The following PCYOX1L variants were observed in gnomAD, a reference collection of about 807,000 sequenced individuals.
PCYOX1L encodes the protein prenylcysteine oxidase 1-like.
Under a neutral mutation model 44.1 loss-of-function variants are expected in PCYOX1L, and 40 were observed. The ratio of observed to expected loss-of-function variants is 0.91; its 90% CI spans 0.70 to 1.18. PCYOX1L has a LOEUF of 1.18. Among genes scored for constraint, PCYOX1L ranks in the 50% most tolerant of loss-of-function variants. The pLI, the probability that PCYOX1L is intolerant of heterozygous loss-of-function variation, is 0.00. For synonymous variants in PCYOX1L, 266 were observed against 282.8 expected (o/e 0.94, Z 0.60); for missense variants, 605 against 653.3 (o/e 0.93, Z 0.81).
intron 1 of PCYOX1L, among the ~76,000 whole-genome samples, chr5:149,359,572 A>G (rs1366743656): frequency 2.6e-5 from 4 of 152,112 alleles, no homozygotes; most frequent in South Asian, 4.2e-4. Flanking sequence ...CTGTGGGAAT[A>G]TGCAGGGCAC....
At chr5:149,364,442 A>G (rs1758131409) in intron 3 of PCYOX1L, 2 of 453,876 alleles carry the variant, frequency 4.4e-6, no homozygotes, top group Non-Finnish European at 7.9e-6. Flanking sequence ...CCTCTACTAC[A>G]CTGATACTAA....
chr5:149,367,334 C>T (rs554970200), intron 4 of PCYOX1L, 26 bp from the exon 5 acceptor site: 1 of 1,599,260 alleles, frequency 6.3e-7, no homozygotes, highest in South Asian at 1.1e-5. Context: ...GACAACCTAT[C>T]AGCACCCACT....
chr5:149,368,711 A>G lies in PCYOX1L; in HGVS notation c.*57A>G. 1.4e-6 allele frequency: 2 copies of G among 1,472,888 alleles called. No individual in the cohort carries two copies. Among genetic ancestry groups the G allele is most frequent in the East Asian group, 2.3e-5 (1 of 43,722 alleles). The allele number at this position is 1,472,888 out of a possible 1,614,324, so 91.2% of individuals were successfully genotyped here. On this transcript the variant is annotated 3_prime_UTR_variant, in exon 6 of 6. Transcript: ENST00000274569. ...CCCCACTGAAGATGGATCATCCCACAGCAGCCCAGGACTGAATAAGCCATG... is the reference window on the plus strand; with the variant it reads ...CCCCACTGAAGATGGATCATCCCACGGCAGCCCAGGACTGAATAAGCCATG...
intron 3 of PCYOX1L, 175 bp downstream of exon 3, chr5:149,364,385 C>T: frequency 1.5e-6 from 1 of 671,858 alleles, no homozygotes; most frequent in Non-Finnish European, 2.5e-6. Context: ...GTATTTGGTC[C>T]AGTAATGGTC....
chr5:149,367,314 C>T, intron 4 of PCYOX1L, 46 bp from the exon 5 acceptor site: 1 of 1,578,600 alleles, frequency 6.3e-7, no homozygotes. Flanking sequence ...CCCTCCTGCC[C>T]CACGGCCCTG....
chr5:149,367,880 C>A (rs1409763770), intron 5 of PCYOX1L, 113 bp from the exon 6 acceptor site: 1 of 1,174,064 alleles, frequency 8.5e-7, no homozygotes, highest in East Asian at 2.4e-5. Flanking sequence ...TTTAGACAGC[C>A]CTGCTGCACC....
intron 2 of PCYOX1L, chr5:149,363,540 A>G (rs1355422131): frequency 4.6e-6 from 1 of 219,640 alleles, no homozygotes; most frequent in Non-Finnish European, 9.2e-6. Flanking sequence ...TTATGCCCAG[A>G]TACAGGGCAA....
intron 3 of PCYOX1L, 99 bp from the exon 4 acceptor site, chr5:149,365,843 A>G (rs1489863480): frequency 9.3e-6 from 10 of 1,075,054 alleles, no homozygotes; most frequent in Non-Finnish European, 1.3e-5. Flanking sequence ...AGAGGAAGTG[A>G]TGGGTTCCTG....
At chr5:149,367,321 C>A in intron 4 of PCYOX1L, 39 bp from the exon 5 acceptor site, 1 of 1,588,378 alleles carries the variant, frequency 6.3e-7, no homozygotes, top group Admixed American at 1.8e-5. Flanking sequence ...GCCCCACGGC[C>A]CTGACAACCT....
Position 149,359,019 on chromosome 5 carries a change from C to T in PCYOX1L, c.88+863C>T, listed in dbSNP as rs575518056. On this transcript the variant is annotated intron_variant, in intron 1 of 5. Transcript: ENST00000274569. ...CAGGACACCTCACTAAATACGTCAT[C>T]GTGCATATCATTGACTAGAGTGTCA... Among the ~76,000 whole-genome samples, 42 of 152,274 alleles carry T rather than the reference C, an allele frequency of 2.8e-4. 1 individual carries two copies. The Middle Eastern group carries it at 0.017, about 62-fold the overall frequency.
chr5:149,364,784 A>G (rs902430622), intron 3 of PCYOX1L: 8 of 152,596 alleles, frequency 5.2e-5, no homozygotes, highest in Admixed American at 1.3e-4. Context: ...TGTTGTCCTC[A>G]TTTTTCCATC....
intron 1 of PCYOX1L, 42 bp from the exon 2 acceptor site, chr5:149,362,595 G>A (rs375206822): frequency 6.2e-7 from 1 of 1,607,092 alleles, no homozygotes; most frequent in African/African-American, 1.3e-5. Flanking sequence ...TCACTCTCAT[G>A]TTCTGTCTCT....
intron 1 of PCYOX1L, among the ~76,000 whole-genome samples, chr5:149,361,582 G>A (rs1336684029): frequency 1.3e-5 from 2 of 152,226 alleles, no homozygotes; most frequent in Non-Finnish European, 2.9e-5. Context: ...TTTCAAACTG[G>A]AATATAGTGT....
intron 1 of PCYOX1L, among the ~76,000 whole-genome samples, chr5:149,360,306 G>T (rs1332146339): frequency 6.6e-6 from 1 of 152,176 alleles, no homozygotes; most frequent in Non-Finnish European, 1.5e-5. Flanking sequence ...CAATGAAGTG[G>T]TGTCTTCTGC....
At chr5:149,358,289 G>A in intron 1 of PCYOX1L, 133 bp downstream of exon 1, 1 of 1,240,802 alleles carries the variant, frequency 8.1e-7, no homozygotes, top group Middle Eastern at 3.1e-4. Context: ...CTGGGTGGAG[G>A]AGAGGCGCCG....
rs1357622063 is a variant in PCYOX1L, at chr5:149,363,528, CTT to C, written c.296-506_296-505del. On this transcript the variant is annotated intron_variant, in intron 2 of 5. Coordinates refer to ENST00000274569, the MANE Select transcript of PCYOX1L (RefSeq NM_024028.4). ...TGTTCAGCAGTCAGAATGGGGAAGT[CTT>C]TATGCCCAGATACAGGGCAATCTCC... is the stretch of plus-strand genomic sequence containing the variant. 3 of 214,544 alleles carry C rather than the reference CTT, an allele frequency of 1.4e-5. No homozygotes were observed. The East Asian group carries it at 3.3e-4, about 23-fold the overall frequency. 13.3% of individuals were successfully genotyped at this position (214,544 alleles called of 1,614,324 possible). A position where few individuals can be genotyped will look rare whatever the true frequency, so the allele number is the denominator to read the frequency against.
chr5:149,364,549 T>C (rs1335007857), intron 3 of PCYOX1L: 1 of 209,712 alleles, frequency 4.8e-6, no homozygotes, highest in East Asian at 1.1e-4. Context: ...CAAGGCCCCC[T>C]CTGAAGGAGG....
Position 149,368,624 on chromosome 5 carries a change from T to G in PCYOX1L, c.1455T>G (p.Asp485Glu). The change falls in exon 6 of 6, where the codon GAT (aspartate) becomes GAG (glutamate). Residue 485 changes from aspartate (D) to glutamate (E), a missense_variant. Asp to Glu is a conservative substitution (Grantham distance 45, BLOSUM62 2). Transcript: ENST00000274569. ...ACCTAGACAAGATTGATCAAAAAGATTTGATGCACAAGGTCAAGACTGAAC... is the reference window on the plus strand; with the variant it reads ...ACCTAGACAAGATTGATCAAAAAGAGTTGATGCACAAGGTCAAGACTGAAC... ...YQDLDKIDQK[D>E]LMHKVKTEL 1 of 1,525,994 alleles carries G rather than the reference T, an allele frequency of 6.6e-7. No individual in the cohort carries two copies. Among genetic ancestry groups the G allele is most frequent in the Non-Finnish European group, 8.7e-7 (1 of 1,143,128 alleles). The allele number at this position is 1,525,994 out of a possible 1,614,324, so 94.5% of individuals were successfully genotyped here.
Position 149,368,816 on chromosome 5 carries a change from C to T in PCYOX1L, c.*162C>T. 1.8e-6 allele frequency: 1 copy of T among 545,342 alleles called. No individual in the cohort carries two copies. The highest frequency in any genetic ancestry group is 3.4e-5 in the East Asian group (1 of 29,458). The allele number at this position is 545,342 out of a possible 1,614,324, so 33.8% of individuals were successfully genotyped here. A position where few individuals can be genotyped will look rare whatever the true frequency, so the allele number is the denominator to read the frequency against. On this transcript the variant is annotated 3_prime_UTR_variant, in exon 6 of 6. Transcript: ENST00000274569. ...CTACTGTCTGCCTATATTAAGGGTC[C>T]ACACGGCGGCTGCTGCTTTTTTTTA...
Sources: allele counts gnomAD v4.1 joint callset (sites outside exome capture counted in the v4.1 genomes callset), GRCh38; gene constraint gnomAD v4.1.1; transcripts MANE v1.5; gene names NCBI Gene and HGNC (gene_info 2026-07-23, HGNC 2026-07-21).